Variants in PLCL1 observed in about 807,000 individuals in gnomAD.
The protein encoded by PLCL1 is inactive phospholipase C-like protein 1.
In PLCL1, 41 loss-of-function variants were observed where a neutral mutation model predicts 84.4. That is an observed-to-expected ratio of 0.49 (90% CI 0.38 to 0.63). PLCL1 has a LOEUF of 0.63. Among genes scored for constraint, PLCL1 ranks in the 30% least tolerant of loss-of-function variants. The pLI, the probability that PLCL1 is intolerant of heterozygous loss-of-function variation, is 0.00. For missense variants in PLCL1, 1,206 were observed against 1,367.8 expected (o/e 0.88, Z 1.87); for synonymous variants, 490 against 488.3 (o/e 1.00, Z -0.05).
At chr2:197,855,210 A>G (rs1317381014) in intron 1 of PLCL1, among the ~76,000 whole-genome samples, 1 of 152,160 alleles carries the variant, frequency 6.6e-6, no homozygotes, top group East Asian at 1.9e-4. Flanking sequence ...CTGGCACCTG[A>G]CATTAGTTTC....
chr2:197,887,805 G>T (rs1193512378), intron 1 of PLCL1, among the ~76,000 whole-genome samples: 4 of 152,070 alleles, frequency 2.6e-5, no homozygotes, highest in African/African-American at 4.8e-5. Context: ...AATTTAAAAA[G>T]TTTTGTTAAT....
intron 1 of PLCL1, among the ~76,000 whole-genome samples, chr2:197,912,846 A>C (rs1000246494): frequency 1.4e-5 from 2 of 141,538 alleles, no homozygotes; most frequent in Non-Finnish European, 3.1e-5. Context: ...GATATACCTA[A>C]TGCTAGATGA....
chr2:197,992,795 A>G (rs2105813891), intron 1 of PLCL1, among the ~76,000 whole-genome samples: 1 of 152,240 alleles, frequency 6.6e-6, no homozygotes, highest in South Asian at 2.1e-4. Flanking sequence ...AAAATAAATC[A>G]TATGATATTT....
Position 197,853,262 on chromosome 2 carries a change from C to T in PLCL1, c.240+47923C>T, listed in dbSNP as rs1452207796. The stretch of plus-strand genomic sequence containing the variant: ...ATGTACCATATTTTGTTTATCCATT[C>T]GTCTAATGATGGACCCTTGTGTTGC... On this transcript the variant is annotated intron_variant, in intron 1 of 5. Transcript: ENST00000428675. 2.0e-5 allele frequency among the ~76,000 whole-genome samples: 3 copies of T among 152,098 alleles called. No homozygotes were observed. In the South Asian group the frequency reaches 6.2e-4, roughly 32 times the overall value.
chr2:198,137,459 T>C (rs1694280680), intron 5 of PLCL1, among the ~76,000 whole-genome samples: 1 of 152,306 alleles, frequency 6.6e-6, no homozygotes, highest in African/African-American at 2.4e-5. Flanking sequence ...AAATCCTAAA[T>C]AGAGAAAACG....
At chr2:197,840,382 A>G (rs1391118954) in intron 1 of PLCL1, among the ~76,000 whole-genome samples, 1 of 152,076 alleles carries the variant, frequency 6.6e-6, no homozygotes, top group East Asian at 1.9e-4. Context: ...AAATAATTTT[A>G]ATATTGTCAG....
At chr2:197,843,331 A>C (rs1687051065) in intron 1 of PLCL1, among the ~76,000 whole-genome samples, 1 of 152,216 alleles carries the variant, frequency 6.6e-6, no homozygotes, top group Non-Finnish European at 1.5e-5. Context: ...GTGTGATTCT[A>C]TACATCCCTC....
At chr2:198,097,422 A>G (rs1015827628) in intron 3 of PLCL1, among the ~76,000 whole-genome samples, 1 of 152,158 alleles carries the variant, frequency 6.6e-6, no homozygotes, top group Non-Finnish European at 1.5e-5. Flanking sequence ...CTGGCTTTGC[A>G]TTCTTGAATC....
chr2:198,004,946 T>C (rs1254984969), intron 1 of PLCL1, among the ~76,000 whole-genome samples: 1 of 152,216 alleles, frequency 6.6e-6, no homozygotes, highest in Non-Finnish European at 1.5e-5. Flanking sequence ...AAGTGCTTAC[T>C]GCTAATTTAG....
At chr2:198,126,637 G>C (rs1693992340) in intron 5 of PLCL1, among the ~76,000 whole-genome samples, 1 of 152,102 alleles carries the variant, frequency 6.6e-6, no homozygotes, top group Non-Finnish European at 1.5e-5. Flanking sequence ...AAGCGCGGTG[G>C]CTCATTCCTG....
intron 1 of PLCL1, among the ~76,000 whole-genome samples, chr2:198,032,420 A>T (rs1051399145): frequency 5.3e-5 from 8 of 152,246 alleles, no homozygotes; most frequent in Non-Finnish European, 1.2e-4. Context: ...CCTCAGAAAG[A>T]TAAAATAAGA....
chr2:198,122,283 C>T (rs1314823820), intron 5 of PLCL1, among the ~76,000 whole-genome samples: 1 of 152,014 alleles, frequency 6.6e-6, no homozygotes, highest in Non-Finnish European at 1.5e-5. Context: ...CTTTAACTCC[C>T]TTTAGGTTTA....
At chr2:197,894,319 G>T (rs1172894017) in intron 1 of PLCL1, among the ~76,000 whole-genome samples, 1 of 151,912 alleles carries the variant, frequency 6.6e-6, no homozygotes, top group Non-Finnish European at 1.5e-5. Flanking sequence ...AATTCTATTT[G>T]GAGCAAATAG....
chr2:198,141,786 T>C (rs1694393688), intron 5 of PLCL1, among the ~76,000 whole-genome samples: 1 of 152,150 alleles, frequency 6.6e-6, no homozygotes, highest in South Asian at 2.1e-4. Flanking sequence ...CTCCCATGGA[T>C]AAAAGAATAT....
chr2:198,008,954 G>A (rs1351680119), intron 1 of PLCL1, among the ~76,000 whole-genome samples: 1 of 151,962 alleles, frequency 6.6e-6, no homozygotes, highest in Non-Finnish European at 1.5e-5. Flanking sequence ...CTAATGATTA[G>A]TAATGTTATC....
chr2:197,855,884 G>C (rs1480529183), intron 1 of PLCL1, among the ~76,000 whole-genome samples: 1 of 152,108 alleles, frequency 6.6e-6, no homozygotes, highest in African/African-American at 2.4e-5. Flanking sequence ...GTTAACCTCT[G>C]CTTCTCAGTC....
chr2:198,143,041 C>A (rs911047245), intron 5 of PLCL1, among the ~76,000 whole-genome samples: 31 of 152,186 alleles, frequency 2.0e-4, no homozygotes, highest in African/African-American at 7.5e-4. Flanking sequence ...CCTCCTCTTC[C>A]CTTAAGACCT....
chr2:197,945,535 C>T (rs1689255594), intron 1 of PLCL1, among the ~76,000 whole-genome samples: 1 of 152,136 alleles, frequency 6.6e-6, no homozygotes, highest in African/African-American at 2.4e-5. Flanking sequence ...CAACAGTGTT[C>T]TTAAAGACAG....
At position 197,830,621 on chromosome 2, in the gene PLCL1, T is replaced by C. The variant is rs902290915; in HGVS notation, c.240+25282T>C. Among the ~76,000 whole-genome samples, 15 of 151,916 alleles carry C rather than the reference T, an allele frequency of 9.9e-5. No homozygotes were observed. In the East Asian group the frequency reaches 2.7e-3, roughly 27 times the overall value. On this transcript the variant is annotated intron_variant, in intron 1 of 5. Transcript: ENST00000428675. ...TTTCAGGATATTATCCAGGAGAACTTCCCCAACCTAGCAAGACAGGCCAAC... is the reference window on the plus strand; with the variant it reads ...TTTCAGGATATTATCCAGGAGAACTCCCCCAACCTAGCAAGACAGGCCAAC...
Sources: gnomAD v4.1 joint callset for allele counts (sites outside exome capture counted in the v4.1 genomes callset) on GRCh38, gnomAD v4.1.1 for gene constraint, MANE v1.5 for transcripts, NCBI Gene and HGNC (gene_info 2026-07-23, HGNC 2026-07-21) for gene names.